CENPI: variants seen among roughly 807,000 people sequenced by gnomAD.
CENPI encodes FSH primary response 1.
In CENPI, 4 loss-of-function variants were observed where a neutral mutation model predicts 60.4. That is an observed-to-expected ratio of 0.07 (90% CI 0.03 to 0.15). The LOEUF (loss-of-function observed/expected upper bound fraction) is 0.15, where lower values mean the gene tolerates loss of function less well. Among genes scored for constraint, CENPI ranks in the 10% least tolerant of loss-of-function variants. CENPI has a pLI of 1.00. For synonymous variants in CENPI, 157 were observed against 189.4 expected (o/e 0.83, Z 1.40); for missense variants, 444 against 534.5 (o/e 0.83, Z 1.67).
intron 8 of CENPI, among the ~76,000 whole-genome samples, chrX:101,124,197 A>T (rs1458391108): frequency 9.2e-6 from 1 of 108,400 alleles, no homozygotes; most frequent in African/African-American, 3.4e-5. Flanking sequence ...GTAAGTCCAA[A>T]ATCTACCGGA....
Position 101,165,643 on chromosome X carries a change from C to T in CENPI, c.*2676C>T, listed in dbSNP as rs2090141423. Among the ~76,000 whole-genome samples, 1 of 111,033 alleles carries T rather than the reference C, an allele frequency of 9.0e-6. No homozygotes were observed. The highest frequency in any genetic ancestry group is 3.8e-4 in the South Asian group (1 of 2,604). On this transcript the variant is annotated 3_prime_UTR_variant, in exon 22 of 22. Coordinates refer to ENST00000682095, the MANE Select transcript of CENPI (RefSeq NM_001386188.2). ...CTTTGGATGAGATCACCTAGTACAG[C>T]TAGAGAAGAGAAGGTAGCAAAAGAC...
chrX:101,169,944 C>A (rs1215419262), downstream of CENPI, among the ~76,000 whole-genome samples: 1 of 99,789 alleles, frequency 1.0e-5, no homozygotes, highest in South Asian at 5.0e-4. Flanking sequence ...AGTGTTATTA[C>A]AAAAGAGTAA....
At chrX:101,114,481 C>T (rs1208344038) in intron 6 of CENPI, among the ~76,000 whole-genome samples, 1 of 111,655 alleles carries the variant, frequency 9.0e-6, no homozygotes, top group Non-Finnish European at 1.9e-5. Flanking sequence ...TCTATTACCC[C>T]CCTAGCTCTA....
intron 5 of CENPI, 34 bp from the exon 6 acceptor site, chrX:101,109,857 T>G: frequency 9.8e-7 from 1 of 1,018,516 alleles, no homozygotes; most frequent in Non-Finnish European, 1.4e-6. Flanking sequence ...CCAGTTATAT[T>G]TCTTTAAAGA....
In CENPI at chrX:101,128,750, C is replaced by G; in HGVS notation, c.1109C>G (p.Ser370Cys). 1 of 1,208,915 alleles carries G rather than the reference C, an allele frequency of 8.3e-7. No homozygotes were observed. Among genetic ancestry groups the G allele is most frequent in the Non-Finnish European group, 1.1e-6 (1 of 893,037 alleles). ...PSQMGSVLNN[S>C]LLLHYINCVR... Reference sequence around the variant, plus strand: ...CAGATGGGCTCAGTGCTAAACAACTCTCTGCTGCTTCACTACATTAACTGT... The same window carrying G: ...CAGATGGGCTCAGTGCTAAACAACTGTCTGCTGCTTCACTACATTAACTGT... Residue 370 changes from serine to cysteine, a missense_variant, in exon 12 of 22, where the codon TCT (serine) becomes TGT (cysteine). Transcript: ENST00000682095.
At chrX:101,139,672 C>G (rs1003534123) in intron 15 of CENPI, among the ~76,000 whole-genome samples, 1 of 111,346 alleles carries the variant, frequency 9.0e-6, no homozygotes, top group South Asian at 3.7e-4. Flanking sequence ...TGGAAACACT[C>G]AAATGATTAG....
chrX:101,124,396 C>T (rs949410450), intron 8 of CENPI, among the ~76,000 whole-genome samples: 5 of 110,977 alleles, frequency 4.5e-5, no homozygotes, highest in Non-Finnish European at 9.4e-5. Flanking sequence ...ATCCACATTG[C>T]GGAGGGCAGT....
At chrX:101,173,905 A>G in the CENPI span, among the ~76,000 whole-genome samples, 2 of 111,722 alleles carry the variant, frequency 1.8e-5, no homozygotes, top group African/African-American at 6.5e-5. Flanking sequence ...TTAACAAGCA[A>G]AAAACAACCC....
intron 20 of CENPI, among the ~76,000 whole-genome samples, chrX:101,152,756 A>C (rs1434497767): frequency 9.1e-6 from 1 of 109,578 alleles, no homozygotes; most frequent in Non-Finnish European, 1.9e-5. Flanking sequence ...TATGGCATGT[A>C]TCAGTACTTT....
chrX:101,117,007 C>A (rs1025365378), intron 6 of CENPI, among the ~76,000 whole-genome samples: 1 of 111,033 alleles, frequency 9.0e-6, no homozygotes, highest in African/African-American at 3.3e-5. Flanking sequence ...CTCTTAGGAT[C>A]CTTTGCCCTC....
chrX:101,142,398 A>G (rs951448115), intron 16 of CENPI, among the ~76,000 whole-genome samples: 4 of 112,145 alleles, frequency 3.6e-5, no homozygotes, highest in Non-Finnish European at 7.5e-5. Flanking sequence ...GTATAGCTCA[A>G]GTTTTAAATA....
intron 8 of CENPI, among the ~76,000 whole-genome samples, chrX:101,124,186 GGTAA>G (rs2089710306): frequency 9.3e-6 from 1 of 107,686 alleles, no homozygotes; most frequent in Admixed American, 1.0e-4. Flanking sequence ...TATGGTGGCT[GGTAA>G]GTCCAAAATC....
chrX:101,140,111 C>T (rs1602829710), intron 15 of CENPI, among the ~76,000 whole-genome samples: 1 of 112,274 alleles, frequency 8.9e-6, no homozygotes, highest in Non-Finnish European at 1.9e-5. Context: ...GCTGGGATTA[C>T]AGGCGTGAGC....
At chrX:101,113,466 GC>G (rs1258184914) in intron 6 of CENPI, among the ~76,000 whole-genome samples, 2 of 110,296 alleles carry the variant, frequency 1.8e-5, no homozygotes, top group Admixed American at 9.8e-5. Context: ...ACAGGTATGT[GC>G]TACCACGCCC....
At chrX:101,101,560 C>T (rs1311130967) in intron 3 of CENPI, among the ~76,000 whole-genome samples, 1 of 108,285 alleles carries the variant, frequency 9.2e-6, no homozygotes, top group Non-Finnish European at 1.9e-5. Flanking sequence ...TCCCTCTCTA[C>T]CCCTTTGGCT....
At chrX:101,110,708 C>T (rs186672660) in intron 6 of CENPI, among the ~76,000 whole-genome samples, 1 of 111,893 alleles carries the variant, frequency 8.9e-6, no homozygotes, top group Non-Finnish European at 1.9e-5. Flanking sequence ...CAAAGTTTAG[C>T]ATAGGGTTTC....
intron 16 of CENPI, among the ~76,000 whole-genome samples, chrX:101,143,546 G>GT (rs1353622919): frequency 8.9e-6 from 1 of 112,505 alleles, no homozygotes; most frequent in East Asian, 2.8e-4. Context: ...TATATTTTGA[G>GT]ATGGAGTCTC....
chrX:101,152,151 G>A (rs112344881), intron 20 of CENPI, among the ~76,000 whole-genome samples: 2 of 109,400 alleles, frequency 1.8e-5, no homozygotes, highest in Non-Finnish European at 3.8e-5. Context: ...TGCAACCTCC[G>A]CCTCCCGGGT....
Position 101,124,153 on chromosome X carries a change from G to A in CENPI, c.688-2556G>A, listed in dbSNP as rs186821166. On this transcript the variant is annotated intron_variant, in intron 8 of 21. Transcript: ENST00000682095. ...TGTGTGTGTATTTATAATATTATAG[G>A]GAATTGGCTCATTTGATTTTTTTAT... Among the ~76,000 whole-genome samples, 8 of 104,277 alleles carry A rather than the reference G, an allele frequency of 7.7e-5. No homozygotes were observed. The East Asian group carries it at 2.5e-3, about 33-fold the overall frequency. 90.6% of individuals were successfully genotyped at this position (104,277 alleles called of 115,157 possible). A position where few individuals can be genotyped will look rare whatever the true frequency, so the allele number is the denominator to read the frequency against.
Sources: gnomAD v4.1 joint callset for allele counts (sites outside exome capture counted in the v4.1 genomes callset) on GRCh38, gnomAD v4.1.1 for gene constraint, MANE v1.5 for transcripts, NCBI Gene and HGNC (gene_info 2026-07-23, HGNC 2026-07-21) for gene names.